Variants in SMARCA2 observed in about 807,000 individuals in gnomAD.
SMARCA2 encodes the protein SWI/SNF related BAF chromatin remodeling complex subunit ATPase 2.
In SMARCA2, 61 loss-of-function variants were observed where a neutral mutation model predicts 199.8. That is an observed-to-expected ratio of 0.31 (90% CI 0.25 to 0.38). SMARCA2 has a LOEUF of 0.38. Ranked by LOEUF, SMARCA2 falls within the 10% of genes least tolerant of loss-of-function variation. The pLI, the probability that SMARCA2 is intolerant of heterozygous loss-of-function variation, is 1.00. For missense variants in SMARCA2, 1,344 were observed against 2,012.2 expected (o/e 0.67, Z 6.35); for synonymous variants, 935 against 732.0 (o/e 1.28, Z -4.48).
At chr9:2,130,735 A>G (rs917192940) in intron 27 of SMARCA2, among the ~76,000 whole-genome samples, 7 of 152,200 alleles carry the variant, frequency 4.6e-5, no homozygotes, top group African/African-American at 1.4e-4. Flanking sequence ...ACACATATAT[A>G]TATGTATAAT....
At chr9:2,053,636 AACTTATT>A (rs1820225028) in intron 5 of SMARCA2, among the ~76,000 whole-genome samples, 1 of 152,228 alleles carries the variant, frequency 6.6e-6, no homozygotes, top group African/African-American at 2.4e-5. Context: ...AGCCTACTTT[AACTTATT>A]ACTTATTATT....
Position 2,115,938 on chromosome 9 carries a change from G to A in SMARCA2, c.3573G>A (p.Lys1191=). Residue 1191 remains lysine, a synonymous_variant, in exon 25 of 34, where the codon AAG becomes AAA. Transcript: ENST00000349721. This position sits in a 1 kb window ranked among gnomAD's most constrained non-coding sequence, Gnocchi z 6.0. ...AGATCCTCGCGGCCGCAAAATACAA[G>A]CTGAACGTGGATCAGAAAGTGATCC... ...EEKILAAAKY[K]LNVDQKVIQA... 6.2e-7 allele frequency: 1 copy of A among 1,614,114 alleles called. No homozygotes were observed.
intron 27 of SMARCA2, chr9:2,158,921 A>T: frequency 6.2e-7 from 1 of 1,610,622 alleles, no homozygotes; most frequent in Non-Finnish European, 8.5e-7. Context: ...GGGAGGAGGG[A>T]AGATGTTTTG....
chr9:2,187,694 A>T (rs1827569478), intron 32 of SMARCA2, among the ~76,000 whole-genome samples: 1 of 152,054 alleles, frequency 6.6e-6, no homozygotes, highest in African/African-American at 2.4e-5. Context: ...AATTTTAAAT[A>T]TAATTAATAA....
At chr9:2,177,970 G>C (rs1826735697) in intron 29 of SMARCA2, among the ~76,000 whole-genome samples, 1 of 151,814 alleles carries the variant, frequency 6.6e-6, no homozygotes, top group Non-Finnish European at 1.5e-5. Flanking sequence ...CCAGTTTAGA[G>C]TCATAGTATA....
chr9:2,030,132 C>T lies in SMARCA2; in HGVS notation c.225+885C>T, dbSNP rs574915780. On this transcript the variant is annotated intron_variant, in intron 2 of 33. Coordinates refer to ENST00000349721, the MANE Select transcript of SMARCA2 (RefSeq NM_003070.5). ...GGTGGATAGGGTGGCAGGGCTGCTTCTTGACATTAAGTAGGTGTATTCATT... is the reference window on the plus strand; with the variant it reads ...GGTGGATAGGGTGGCAGGGCTGCTTTTTGACATTAAGTAGGTGTATTCATT... Among the ~76,000 whole-genome samples, 49 of 152,300 alleles carry T rather than the reference C, an allele frequency of 3.2e-4. No homozygotes were observed. In the South Asian group the frequency reaches 3.3e-3, roughly 10 times the overall value.
intron 9 of SMARCA2, among the ~76,000 whole-genome samples, chr9:2,063,511 C>A (rs541155197): frequency 2.0e-5 from 3 of 152,210 alleles, no homozygotes. Flanking sequence ...CTGTACCTAT[C>A]AATATTTTTT....
rs368685869 is a variant in SMARCA2, at chr9:2,039,842, G to A, written c.732G>A (p.Pro244=). ...QQQQQPQQQP[P]QPQTQQQQQP... ...AACAGCAGCCGCAGCAGCAGCCGCC[G>A]CAACCACAGACGCAGCAACAACAGC... Residue 244 remains proline, a synonymous_variant, in exon 4 of 34, where the codon CCG becomes CCA. Coordinates refer to ENST00000349721, the MANE Select transcript of SMARCA2 (RefSeq NM_003070.5). The surrounding 1 kb of genome is among the most constrained non-coding windows in gnomAD (Gnocchi z 4.8). The A allele has an allele frequency of 1.4e-5, 23 of 1,612,704 alleles. No homozygotes were observed. The highest frequency in any genetic ancestry group is 5.3e-5 in the African/African-American group (4 of 74,892).
intron 27 of SMARCA2, among the ~76,000 whole-genome samples, chr9:2,144,016 T>A (rs956247326): frequency 6.6e-6 from 1 of 151,634 alleles, no homozygotes; most frequent in African/African-American, 2.4e-5. Context: ...GATTACCCAA[T>A]AACCTAGTGC....
rs759814566 is a variant in SMARCA2, at chr9:2,101,639, T to C, written c.3125+23T>C. 3.7e-6 allele frequency: 5 copies of C among 1,352,016 alleles called. No homozygotes were observed. In the East Asian group the frequency reaches 7.0e-5, roughly 19 times the overall value. The allele number at this position is 1,352,016 out of a possible 1,614,324, so 83.8% of individuals were successfully genotyped here. A position where few individuals can be genotyped will look rare whatever the true frequency, so the allele number is the denominator to read the frequency against. ...TGGGTAAATCTCAAATTTTTTTTTC[T>C]TTTAAAAAAAAATGTTGTTGGCCTT... On this transcript the variant is annotated intron_variant, in intron 22 of 33. Coordinates refer to ENST00000349721, the MANE Select transcript of SMARCA2 (RefSeq NM_003070.5).
chr9:2,139,678 G>A (rs554455099), intron 27 of SMARCA2, among the ~76,000 whole-genome samples: 1 of 152,216 alleles, frequency 6.6e-6, no homozygotes, highest in East Asian at 1.9e-4. Context: ...GGAGTCAGCT[G>A]GTCGTCAGAA....
intron 9 of SMARCA2, among the ~76,000 whole-genome samples, chr9:2,062,166 C>G (rs1820623061): frequency 6.6e-6 from 1 of 152,058 alleles, no homozygotes; most frequent in South Asian, 2.1e-4. Flanking sequence ...GAACTGTAGA[C>G]TTAAGAATGG....
chr9:2,129,624 C>T (rs1156350794), intron 27 of SMARCA2, among the ~76,000 whole-genome samples: 8 of 152,122 alleles, frequency 5.3e-5, no homozygotes, highest in East Asian at 1.9e-4. Context: ...ATTAGATTGT[C>T]GGCCACATGC....
At chr9:2,131,005 A>ATGCC (rs1823923723) in intron 27 of SMARCA2, among the ~76,000 whole-genome samples, 1 of 152,206 alleles carries the variant, frequency 6.6e-6, no homozygotes, top group African/African-American at 2.4e-5. Flanking sequence ...GGTTTCTGGA[A>ATGCC]TGCCTGTTTT....
chr9:2,078,701 T>A (rs953907307), intron 14 of SMARCA2, among the ~76,000 whole-genome samples: 1 of 152,026 alleles, frequency 6.6e-6, no homozygotes, highest in African/African-American at 2.4e-5. Context: ...TCCCAGCACT[T>A]TGGGAGGCTG....
intron 9 of SMARCA2, among the ~76,000 whole-genome samples, chr9:2,069,600 C>A (rs528829143): frequency 6.6e-6 from 1 of 151,606 alleles, no homozygotes; most frequent in African/African-American, 2.4e-5. Flanking sequence ...AATTCTTCAT[C>A]AGATAACAAT....
At chr9:2,130,676 T>G (rs1186262719) in intron 27 of SMARCA2, among the ~76,000 whole-genome samples, 4 of 152,226 alleles carry the variant, frequency 2.6e-5, no homozygotes, top group African/African-American at 9.6e-5. Flanking sequence ...TATATATATT[T>G]GCATGCGCAA....
intron 28 of SMARCA2, among the ~76,000 whole-genome samples, chr9:2,168,555 A>G (rs1826059449): frequency 6.6e-6 from 1 of 152,230 alleles, no homozygotes; most frequent in South Asian, 2.1e-4. Context: ...GAAGTTCTTT[A>G]TTTGAAGTGC....
At chr9:2,063,824 A>G (rs775354590) in intron 9 of SMARCA2, among the ~76,000 whole-genome samples, 31 of 152,068 alleles carry the variant, frequency 2.0e-4, no homozygotes, top group Non-Finnish European at 3.2e-4. Flanking sequence ...CTCGTGAATA[A>G]TAGGGTAGGT....
Sources: allele counts gnomAD v4.1 joint callset (sites outside exome capture counted in the v4.1 genomes callset), GRCh38; gene constraint gnomAD v4.1.1; non-coding constraint Gnocchi (gnomAD v3.1); transcripts MANE v1.5; gene names NCBI Gene and HGNC (gene_info 2026-07-23, HGNC 2026-07-21).